The following CCDC38 variants were observed in gnomAD, a reference collection of about 807,000 sequenced individuals.
CCDC38 encodes the protein coiled-coil domain-containing protein 38.
A neutral mutation model predicts 72.8 loss-of-function variants in CCDC38; 69 were observed. The ratio of observed to expected loss-of-function variants is 0.95; its 90% CI spans 0.78 to 1.16. The LOEUF is 1.16. Ranked by LOEUF, CCDC38 falls within the 50% of genes most tolerant of loss-of-function variation. The probability of loss-of-function intolerance (pLI) is 0.00; values close to 1 mark genes in which losing one functional copy is unlikely to be tolerated. For synonymous variants in CCDC38, 201 were observed against 213.2 expected (o/e 0.94, Z 0.50); for missense variants, 626 against 638.9 (o/e 0.98, Z 0.22).
At chr12:95,891,901 T>C (rs2079831113) in intron 8 of CCDC38, among the ~76,000 whole-genome samples, 2 of 152,100 alleles carry the variant, frequency 1.3e-5, no homozygotes, top group African/African-American at 4.8e-5. Context: ...CCCTGATTTG[T>C]AGTTCGCCAA....
At chr12:95,926,401 T>C (rs1355283353) in intron 2 of CCDC38, among the ~76,000 whole-genome samples, 1 of 151,866 alleles carries the variant, frequency 6.6e-6, no homozygotes, top group East Asian at 1.9e-4. Flanking sequence ...CCTTTATCAT[T>C]TTTTATTGTG....
intron 1 of CCDC38, 123 bp from the exon 2 acceptor site, chr12:95,936,646 A>T (rs1316881627): frequency 1.5e-6 from 1 of 659,614 alleles, no homozygotes; most frequent in African/African-American, 1.8e-5. Flanking sequence ...GAGCACACAC[A>T]TACTCTTTGA....
chr12:95,876,232 G>A (rs960964904), intron 13 of CCDC38, among the ~76,000 whole-genome samples: 10 of 152,136 alleles, frequency 6.6e-5, no homozygotes, highest in East Asian at 1.9e-4. Context: ...CTTTTGTGAC[G>A]TACCTAGAAT....
At chr12:95,868,961 G>A (rs1233931508) in intron 15 of CCDC38, among the ~76,000 whole-genome samples, 1 of 152,108 alleles carries the variant, frequency 6.6e-6, no homozygotes, top group Non-Finnish European at 1.5e-5. Flanking sequence ...AGTTACATGC[G>A]ATTCTCTGGG....
intron 4 of CCDC38, among the ~76,000 whole-genome samples, chr12:95,908,453 G>C (rs180885603): frequency 0.33 from 15 of 46 alleles, no homozygotes; most frequent in Admixed American, 0.5. Context: ...AAGAGGGAGA[G>C]GGAGAGGGAG....
chr12:95,892,218 G>A (rs12425669), intron 8 of CCDC38, among the ~76,000 whole-genome samples: 4,406 of 143,218 alleles, frequency 0.031, 568 homozygotes, highest in Admixed American at 0.22. Context: ...TTACCCCAAT[G>A]TTAGTTGAAA....
intron 2 of CCDC38, among the ~76,000 whole-genome samples, chr12:95,927,019 T>C (rs1247805876): frequency 2.0e-5 from 3 of 152,150 alleles, no homozygotes; most frequent in Non-Finnish European, 4.4e-5. Flanking sequence ...GTATATTCTG[T>C]TGATTTGGGA....
At position 95,917,139 on chromosome 12, in the gene CCDC38, T is replaced by C. The variant is rs767218052; in HGVS notation, c.294A>G (p.Arg98=). ...GTAATTTAGACTCACCTTCTATTAA[T>C]CTAGGAATCGGAGCAGGACCTGGCC... ...KFGPGPAPIP[R]LIEGSDTKRT... Residue 98 remains arginine (R), a synonymous_variant, in exon 4 of 16, where the codon AGA becomes AGG. Transcript: ENST00000344280. The C allele has an allele frequency of 4.4e-5, 69 of 1,576,192 alleles. No homozygotes were observed. Among genetic ancestry groups the C allele is most frequent in the Non-Finnish European group, 5.6e-5 (66 of 1,171,074 alleles).
At chr12:95,937,003 G>T (rs2080401350) in intron 1 of CCDC38, among the ~76,000 whole-genome samples, 3 of 152,180 alleles carry the variant, frequency 2.0e-5, no homozygotes, top group African/African-American at 7.2e-5. Flanking sequence ...TACCAGGTTT[G>T]GGATTAGGGT....
At chr12:95,941,703 CTT>C (rs1253998036) in intron 1 of CCDC38, among the ~76,000 whole-genome samples, 3 of 152,252 alleles carry the variant, frequency 2.0e-5, no homozygotes, top group Non-Finnish European at 1.5e-5. Context: ...GAATTAGTGA[CTT>C]TATGTGTTTC....
At position 95,917,261 on chromosome 12, in the gene CCDC38, G is replaced by T; in HGVS notation, c.172C>A (p.Gln58Lys). 1 of 1,600,724 alleles carries T rather than the reference G, an allele frequency of 6.2e-7. No homozygotes were observed. The highest frequency in any genetic ancestry group is 2.3e-5 in the East Asian group (1 of 44,214). Residue 58 changes from glutamine to lysine, a missense_variant, in exon 4 of 16, where the codon CAG becomes AAG. Coordinates refer to ENST00000344280, the MANE Select transcript of CCDC38 (RefSeq NM_182496.3). ...ATTCTGGATGAAAAAGTAGTTTTCT[G>T]GTAGACTTTCATGTTACGGTTCATA... ...KFMNRNMKVYQKTTFSSRMKS... is the reference protein window; with the variant it reads ...KFMNRNMKVYKKTTFSSRMKS...
intron 2 of CCDC38, among the ~76,000 whole-genome samples, chr12:95,920,945 G>A (rs543572756): frequency 1.7e-4 from 26 of 152,084 alleles, no homozygotes; most frequent in African/African-American, 6.3e-4. Context: ...CGTGACCAAC[G>A]TGGAGAAACC....
At chr12:95,886,081 C>G (rs1211201811) in intron 10 of CCDC38, among the ~76,000 whole-genome samples, 3 of 144,552 alleles carry the variant, frequency 2.1e-5, no homozygotes, top group Admixed American at 6.8e-5. Context: ...AAACAAAAAA[C>G]TAATAGCTAC....
At chr12:95,918,617 A>G (rs1225955733) in intron 3 of CCDC38, among the ~76,000 whole-genome samples, 1 of 152,222 alleles carries the variant, frequency 6.6e-6, no homozygotes, top group Non-Finnish European at 1.5e-5. Context: ...TCAATGAAGG[A>G]CAGTGTACCA....
intron 2 of CCDC38, among the ~76,000 whole-genome samples, chr12:95,931,323 C>T (rs1175888418): frequency 1.3e-5 from 2 of 152,200 alleles, no homozygotes; most frequent in African/African-American, 4.8e-5. Flanking sequence ...TAAAAGGACT[C>T]TTGGATTATA....
intron 2 of CCDC38, among the ~76,000 whole-genome samples, chr12:95,924,400 T>G (rs959959049): frequency 7.0e-6 from 1 of 143,068 alleles, no homozygotes; most frequent in Non-Finnish European, 1.5e-5. Flanking sequence ...GTTTTTTTCT[T>G]GTAAATTTGG....
intron 1 of CCDC38, among the ~76,000 whole-genome samples, chr12:95,937,179 C>T (rs939919425): frequency 6.6e-6 from 1 of 152,116 alleles, no homozygotes; most frequent in Non-Finnish European, 1.5e-5. Context: ...CTATAATGAA[C>T]AAAATATCAA....
chr12:95,911,303 G>C lies in CCDC38; in HGVS notation c.305-4852C>G, dbSNP rs73373127. On this transcript the variant is annotated intron_variant, in intron 4 of 15. Transcript: ENST00000344280. Reference sequence around the variant, plus strand: ...AAAAAGAAATCCCAAAAGAAAATCTGGGACATACTCTTCCAGACATTGGCC... The same window carrying C: ...AAAAAGAAATCCCAAAAGAAAATCTCGGACATACTCTTCCAGACATTGGCC... Among the ~76,000 whole-genome samples the C allele has an allele frequency of 6.1e-3, 934 of 152,152 alleles. 11 individuals are homozygous for C. The highest frequency in any genetic ancestry group is 0.037 in the Middle Eastern group (11 of 294).
chr12:95,937,857 A>G (rs1426321733), intron 1 of CCDC38, among the ~76,000 whole-genome samples: 1 of 152,208 alleles, frequency 6.6e-6, no homozygotes, highest in Non-Finnish European at 1.5e-5. Context: ...GGCAATTTTT[A>G]AAAAGACAAA....
Sources: allele counts gnomAD v4.1 joint callset (sites outside exome capture counted in the v4.1 genomes callset), GRCh38; gene constraint gnomAD v4.1.1; transcripts MANE v1.5; gene names NCBI Gene and HGNC (gene_info 2026-07-23, HGNC 2026-07-21).